COL5A2: variants seen among roughly 807,000 people sequenced by gnomAD.
The protein encoded by COL5A2 is collagen type V alpha 2 chain.
In COL5A2, 23 loss-of-function variants were observed where a neutral mutation model predicts 208.2. The ratio of observed to expected loss-of-function variants is 0.11; its 90% CI spans 0.08 to 0.16. The LOEUF is 0.16. Among genes scored for constraint, COL5A2 ranks in the 10% least tolerant of loss-of-function variants. COL5A2 has a pLI of 1.00. For missense variants in COL5A2, 1,590 were observed against 1,956.4 expected (o/e 0.81, Z 3.53); for synonymous variants, 625 against 628.5 (o/e 0.99, Z 0.08).
At chr2:189,281,826 C>T in the COL5A2 span, among the ~76,000 whole-genome samples, 1 of 152,166 alleles carries the variant, frequency 6.6e-6, no homozygotes, top group Non-Finnish European at 1.5e-5. Flanking sequence ...GGGCCATTAA[C>T]AAGAGTAAAT....
the COL5A2 span, among the ~76,000 whole-genome samples, chr2:189,339,001 G>A: frequency 6.6e-6 from 1 of 152,106 alleles, no homozygotes; most frequent in Admixed American, 6.5e-5. Flanking sequence ...ACTCTGCATA[G>A]ATGTGGCAAA....
the COL5A2 span, among the ~76,000 whole-genome samples, chr2:189,317,037 T>G: frequency 1.3e-5 from 2 of 152,032 alleles, no homozygotes; most frequent in Middle Eastern, 3.2e-3. Flanking sequence ...CCACAAAAAT[T>G]AACAAGAAAA....
intron 1 of COL5A2, among the ~76,000 whole-genome samples, chr2:189,128,445 T>C (rs1018938725): frequency 1.3e-5 from 2 of 152,066 alleles, no homozygotes; most frequent in African/African-American, 4.8e-5. Context: ...TAGTTTGTGA[T>C]TTTAAATGCT....
At chr2:189,298,413 T>C in the COL5A2 span, among the ~76,000 whole-genome samples, 43 of 152,164 alleles carry the variant, frequency 2.8e-4, no homozygotes, top group African/African-American at 1.0e-3. Flanking sequence ...CATTCTCCAA[T>C]TCCATCTCCC....
chr2:189,141,608 T>C (rs1033142727), intron 1 of COL5A2, among the ~76,000 whole-genome samples: 8 of 152,194 alleles, frequency 5.3e-5, no homozygotes, highest in African/African-American at 1.9e-4. Flanking sequence ...GTCACATGGG[T>C]CACGTAGTTA....
intron 1 of COL5A2, among the ~76,000 whole-genome samples, chr2:189,138,994 T>G (rs1352163691): frequency 6.6e-6 from 1 of 152,166 alleles, no homozygotes; most frequent in Non-Finnish European, 1.5e-5. Flanking sequence ...AAGTCTCCAC[T>G]CCTTAAGTAA....
At chr2:189,234,150 ATCAAGT>A in the COL5A2 span, among the ~76,000 whole-genome samples, 1 of 151,630 alleles carries the variant, frequency 6.6e-6, no homozygotes, top group Non-Finnish European at 1.5e-5. Context: ...TTGTCAGTTT[ATCAAGT>A]TCAAGAATGA....
chr2:189,082,327 G>A (rs985638306), intron 12 of COL5A2, among the ~76,000 whole-genome samples: 8 of 152,180 alleles, frequency 5.3e-5, no homozygotes, highest in African/African-American at 1.9e-4. Flanking sequence ...TAGTGTTTTA[G>A]AGGGTTATCA....
rs370152526 is a variant in COL5A2, at chr2:189,047,030, G to A, written c.3202-1123C>T. Among the ~76,000 whole-genome samples, 21 of 151,614 alleles carry A rather than the reference G, an allele frequency of 1.4e-4. No homozygotes were observed. The East Asian group carries it at 3.5e-3, about 25-fold the overall frequency. ...CCAGCTACTGGGGAGGCTGAGGCAG[G>A]AGAATCACTTGAACCCAGGAGGTAG... On this transcript the variant is annotated intron_variant, in intron 45 of 53. Transcript: ENST00000374866.
At chr2:189,196,425 T>C (rs888707287) in intron 1 of COL5A2, among the ~76,000 whole-genome samples, 1 of 147,058 alleles carries the variant, frequency 6.8e-6, no homozygotes, top group African/African-American at 2.5e-5. Context: ...TGAATCAGTA[T>C]ATTTTATTAT....
the COL5A2 span, among the ~76,000 whole-genome samples, chr2:189,320,881 G>T: frequency 1.3e-5 from 2 of 152,146 alleles, no homozygotes; most frequent in African/African-American, 4.8e-5. Flanking sequence ...CACCAAAGTT[G>T]AAATGAAGGA....
the COL5A2 span, among the ~76,000 whole-genome samples, chr2:189,375,597 TAGA>T: frequency 6.6e-6 from 1 of 152,214 alleles, no homozygotes; most frequent in Admixed American, 6.5e-5. Context: ...ATTAGGATAA[TAGA>T]AGAGTTTTCC....
At chr2:189,174,436 A>C (rs1042402103) in intron 1 of COL5A2, among the ~76,000 whole-genome samples, 7 of 152,252 alleles carry the variant, frequency 4.6e-5, no homozygotes, top group Admixed American at 2.0e-4. Flanking sequence ...ACAAACTTCA[A>C]CTAAGCAGCC....
chr2:189,222,893 T>C (rs1209315748), intron 1 of COL5A2, among the ~76,000 whole-genome samples: 1 of 152,202 alleles, frequency 6.6e-6, no homozygotes, highest in Non-Finnish European at 1.5e-5. Flanking sequence ...AAGCCAGCAT[T>C]GGTCCTGAAA....
intron 1 of COL5A2, chr2:189,133,126 T>C (rs1259496534): frequency 1.5e-5 from 2 of 134,414 alleles, no homozygotes; most frequent in African/African-American, 5.5e-5. Context: ...TTTTTTTTTT[T>C]TTTTTTTTTT....
chr2:189,060,163 C>T (rs1685996631), intron 31 of COL5A2, among the ~76,000 whole-genome samples: 1 of 152,054 alleles, frequency 6.6e-6, no homozygotes, highest in Non-Finnish European at 1.5e-5. Flanking sequence ...TATTTAGGTG[C>T]ATCTTTTTTG....
the COL5A2 span, among the ~76,000 whole-genome samples, chr2:189,310,482 A>C: frequency 6.6e-6 from 1 of 152,238 alleles, no homozygotes; most frequent in South Asian, 2.1e-4. Context: ...TGGGAATGTA[A>C]ATTAGTACAA....
At chr2:189,384,831 G>T in the COL5A2 span, among the ~76,000 whole-genome samples, 202 of 151,936 alleles carry the variant, frequency 1.3e-3, no homozygotes, top group Non-Finnish European at 2.3e-3. Flanking sequence ...ATAAACCAAT[G>T]TTCTGTATTT....
the COL5A2 span, among the ~76,000 whole-genome samples, chr2:189,352,567 C>T: frequency 3.9e-4 from 60 of 151,978 alleles, 1 homozygote; most frequent in Admixed American, 1.6e-3. Flanking sequence ...AGCTTTTTTT[C>T]GTATGTTTGT....
Sources: allele counts gnomAD v4.1 joint callset (sites outside exome capture counted in the v4.1 genomes callset), GRCh38; gene constraint gnomAD v4.1.1; transcripts MANE v1.5; gene names NCBI Gene and HGNC (gene_info 2026-07-23, HGNC 2026-07-21).